Variants in CADPS observed in about 807,000 individuals in gnomAD.
The protein encoded by CADPS is calcium-dependent secretion activator 1.
CADPS carries 57 observed loss-of-function variants against 167.3 expected under a neutral mutation model. The ratio of observed to expected loss-of-function variants is 0.34; its 90% confidence interval spans 0.28 to 0.42. CADPS has a LOEUF of 0.42. CADPS is among the 20% of genes least tolerant of loss of function. The pLI, the probability that CADPS is intolerant of heterozygous loss-of-function variation, is 1.00. For missense variants in CADPS, 1,414 were observed against 1,738.1 expected (o/e 0.81, Z 3.32); for synonymous variants, 676 against 635.3 (o/e 1.06, Z -0.96).
chr3:62,411,892 G>A (rs568635122), intron 28 of CADPS, among the ~76,000 whole-genome samples: 3 of 152,318 alleles, frequency 2.0e-5, no homozygotes, highest in East Asian at 1.9e-4. Context: ...CCAGTATGCC[G>A]TTGAAAGATA....
At chr3:62,633,112 T>A (rs894261563) in intron 6 of CADPS, among the ~76,000 whole-genome samples, 1 of 152,154 alleles carries the variant, frequency 6.6e-6, no homozygotes, top group African/African-American at 2.4e-5. Flanking sequence ...CCAAGTGTTG[T>A]CTGCTGCTAG....
chr3:62,687,123 G>GAAGAC (rs2078190835), intron 3 of CADPS, among the ~76,000 whole-genome samples: 1 of 152,132 alleles, frequency 6.6e-6, no homozygotes, highest in Non-Finnish European at 1.5e-5. Context: ...ATTTGTTATG[G>GAAGAC]AAGACAAGAG....
intron 28 of CADPS, among the ~76,000 whole-genome samples, chr3:62,425,155 G>A (rs923085994): frequency 1.3e-5 from 2 of 152,176 alleles, no homozygotes; most frequent in African/African-American, 4.8e-5. Flanking sequence ...AAGATACAAA[G>A]TAGGAAGGGT....
At chr3:62,572,985 G>A (rs532641869) in intron 8 of CADPS, among the ~76,000 whole-genome samples, 7 of 152,200 alleles carry the variant, frequency 4.6e-5, no homozygotes, top group African/African-American at 7.2e-5. Context: ...GGGTTCAAGC[G>A]AGTCTCCTCC....
intron 19 of CADPS, among the ~76,000 whole-genome samples, chr3:62,493,339 T>A (rs756974945): frequency 8.5e-5 from 13 of 152,086 alleles, no homozygotes; most frequent in Non-Finnish European, 1.3e-4. Flanking sequence ...CAGGCCCTGT[T>A]TTGCCGATTT....
intron 17 of CADPS, among the ~76,000 whole-genome samples, chr3:62,508,481 T>C (rs2067092673): frequency 6.6e-6 from 1 of 152,186 alleles, no homozygotes; most frequent in Non-Finnish European, 1.5e-5. Context: ...ATGTTTAACC[T>C]TGGGGGAGTG....
chr3:62,599,759 ATTGT>A lies in CADPS; in HGVS notation c.1326-7015_1326-7012del, dbSNP rs1442244352. Among the ~76,000 whole-genome samples, 19 of 16,952 alleles carry A rather than the reference ATTGT, an allele frequency of 1.1e-3. 1 individual carries two copies. The highest frequency in any genetic ancestry group is 3.5e-3 in the Admixed American group (3 of 856). 11.1% of individuals were successfully genotyped at this position (16,952 alleles called of 152,430 possible). A position where few individuals can be genotyped will look rare whatever the true frequency, so the allele number is the denominator to read the frequency against. ...ATAATATATATAATCTATTATATAT[ATTGT>A]ATATATAATATATATATTATATATA... On this transcript the variant is annotated intron_variant, in intron 6 of 29. Coordinates refer to ENST00000383710, the MANE Select transcript of CADPS (RefSeq NM_003716.4).
intron 28 of CADPS, among the ~76,000 whole-genome samples, chr3:62,426,967 A>G (rs1041855522): frequency 2.6e-5 from 4 of 151,244 alleles, no homozygotes; most frequent in Non-Finnish European, 4.4e-5. Context: ...CCCAGCTACT[A>G]GGGAGGCTGA....
At chr3:62,474,420 G>C in intron 23 of CADPS, 100 bp from the exon 24 acceptor site, 1 of 1,088,100 alleles carries the variant, frequency 9.2e-7, no homozygotes, top group South Asian at 1.4e-5. Context: ...ATTGAAGGCT[G>C]TAATCAGTTT....
intron 1 of CADPS, among the ~76,000 whole-genome samples, chr3:62,838,531 G>A (rs916032704): frequency 3.9e-5 from 6 of 152,104 alleles, no homozygotes; most frequent in African/African-American, 1.4e-4. Flanking sequence ...GGTATGTGTG[G>A]TTTTGGGGCA....
At chr3:62,542,953 A>G (rs2152118116) in intron 11 of CADPS, among the ~76,000 whole-genome samples, 1 of 152,314 alleles carries the variant, frequency 6.6e-6, no homozygotes, top group Non-Finnish European at 1.5e-5. Context: ...CATGAGCAAA[A>G]ATAAATTTTC....
chr3:62,444,579 C>G (rs2056908375), intron 27 of CADPS, among the ~76,000 whole-genome samples: 1 of 152,202 alleles, frequency 6.6e-6, no homozygotes, highest in Non-Finnish European at 1.5e-5. Flanking sequence ...TGAGCTTTTT[C>G]TATTCTCCAT....
Position 62,555,224 on chromosome 3 carries a change from C to T in CADPS, c.1753+2181G>A, listed in dbSNP as rs920420670. Among the ~76,000 whole-genome samples the T allele has an allele frequency of 3.3e-5, 5 of 152,140 alleles. 1 individual carries two copies. Among genetic ancestry groups the T allele is most frequent in the Admixed American group, 6.5e-5 (1 of 15,284 alleles). ...AACATAATTGATTTACATTTTACAT[C>T]TTTCCATTTACATCTTTCGTATAGA... On this transcript the variant is annotated intron_variant, in intron 10 of 29. Transcript: ENST00000383710.
At chr3:62,551,298 CTT>C (rs1000513060) in intron 10 of CADPS, among the ~76,000 whole-genome samples, 2 of 152,202 alleles carry the variant, frequency 1.3e-5, no homozygotes, top group African/African-American at 4.8e-5. Flanking sequence ...AATTCTGACT[CTT>C]TACTTTCTTT....
chr3:62,758,075 T>A (rs1325591008), intron 2 of CADPS, among the ~76,000 whole-genome samples: 2 of 152,224 alleles, frequency 1.3e-5, no homozygotes, highest in Non-Finnish European at 2.9e-5. Flanking sequence ...GAACCCTGAA[T>A]CCTGGGCATA....
intron 3 of CADPS, among the ~76,000 whole-genome samples, chr3:62,671,795 C>G (rs568706983): frequency 9.9e-5 from 15 of 152,216 alleles, no homozygotes; most frequent in African/African-American, 3.6e-4. Flanking sequence ...CAGAGTCTTG[C>G]TCTGTCGCCA....
intron 28 of CADPS, among the ~76,000 whole-genome samples, chr3:62,409,408 G>A (rs994086464): frequency 6.6e-5 from 10 of 152,218 alleles, no homozygotes; most frequent in African/African-American, 9.7e-5. Context: ...AGCTTGGCTT[G>A]GTGTCGGAAA....
chr3:62,564,849 C>T (rs113276602), intron 9 of CADPS, among the ~76,000 whole-genome samples: 5,963 of 152,182 alleles, frequency 0.039, 336 homozygotes, highest in African/African-American at 0.13. Flanking sequence ...TTGTAATCCA[C>T]CTGACTCAGC....
intron 6 of CADPS, among the ~76,000 whole-genome samples, chr3:62,627,839 C>A (rs1350412072): frequency 1.3e-5 from 2 of 152,076 alleles, no homozygotes; most frequent in South Asian, 2.1e-4. Flanking sequence ...TGGGAAGAAA[C>A]AGGATTCCCC....
Sources: gnomAD v4.1 joint callset for allele counts (sites outside exome capture counted in the v4.1 genomes callset) on GRCh38, gnomAD v4.1.1 for gene constraint, MANE v1.5 for transcripts, NCBI Gene and HGNC (gene_info 2026-07-23, HGNC 2026-07-21) for gene names.